The following AGPAT5 variants were observed in gnomAD, a reference collection of about 807,000 sequenced individuals.
AGPAT5 encodes 1-acyl-sn-glycerol-3-phosphate acyltransferase epsilon.
In AGPAT5, 46 loss-of-function variants were observed where a neutral mutation model predicts 45.6. The ratio of observed to expected loss-of-function variants is 1.01; its 90% CI spans 0.80 to 1.29. The LOEUF (loss-of-function observed/expected upper bound fraction) is 1.29, where lower values mean the gene tolerates loss of function less well. AGPAT5 is among the 50% of genes most tolerant of loss of function. The pLI is 0.00. For synonymous variants in AGPAT5, 272 were observed against 167.0 expected (o/e 1.63, Z -4.85); for missense variants, 673 against 450.7 (o/e 1.49, Z -4.47).
intron 1 of AGPAT5, among the ~76,000 whole-genome samples, chr8:6,721,430 C>T (rs562448666): frequency 6.6e-6 from 1 of 152,300 alleles, no homozygotes; most frequent in Non-Finnish European, 1.5e-5. Flanking sequence ...AGTTCCATTT[C>T]ATGGGATAAG....
At chr8:6,710,191 G>A (rs1360610132) in intron 1 of AGPAT5, among the ~76,000 whole-genome samples, 3 of 152,124 alleles carry the variant, frequency 2.0e-5, no homozygotes, top group Non-Finnish European at 4.4e-5. Flanking sequence ...ACAATATGAT[G>A]CAGAATACAC....
intron 1 of AGPAT5, among the ~76,000 whole-genome samples, chr8:6,715,983 C>CG (rs1800316148): frequency 6.6e-6 from 1 of 152,104 alleles, no homozygotes; most frequent in African/African-American, 2.4e-5. Flanking sequence ...CTTTTCCATT[C>CG]GTTGGTTTCA....
At chr8:6,714,525 A>G (rs1033528919) in intron 1 of AGPAT5, among the ~76,000 whole-genome samples, 1 of 152,240 alleles carries the variant, frequency 6.6e-6, no homozygotes, top group Non-Finnish European at 1.5e-5. Flanking sequence ...ATTTGTGTAT[A>G]GTTTTTTAAT....
intron 1 of AGPAT5, among the ~76,000 whole-genome samples, chr8:6,720,523 G>C (rs1380246348): frequency 6.6e-6 from 1 of 152,196 alleles, no homozygotes; most frequent in Non-Finnish European, 1.5e-5. Context: ...ATGTGGCAGA[G>C]TTAAATGACC....
chr8:6,755,131 C>T lies in AGPAT5; in HGVS notation c.826C>T (p.His276Tyr). The T allele has an allele frequency of 6.2e-7, 1 of 1,608,844 alleles. No homozygotes were observed. Among genetic ancestry groups the T allele is most frequent in the Admixed American group, 1.7e-5 (1 of 58,186 alleles). The change falls in exon 7 of 8, where the codon CAT (histidine) becomes TAT (tyrosine). Residue 276 changes from histidine to tyrosine, a missense_variant. Physicochemically the swap from His to Tyr is moderately conservative, Grantham distance 83 (BLOSUM62 2). Coordinates refer to ENST00000285518, the MANE Select transcript of AGPAT5 (RefSeq NM_018361.5). ...DKKDVPEEQE[H>Y]MRRWLHERFE... ...AAAAGATGTCCCAGAAGAACAAGAA[C>T]ATATGAGAAGATGGCTGCATGAACG...
At chr8:6,719,877 G>A (rs1800446801) in intron 1 of AGPAT5, among the ~76,000 whole-genome samples, 1 of 152,162 alleles carries the variant, frequency 6.6e-6, no homozygotes, top group Admixed American at 6.5e-5. Context: ...TGCAAAGGGG[G>A]ATATGATCAG....
chr8:6,729,835 T>C (rs1028669676), intron 2 of AGPAT5, among the ~76,000 whole-genome samples: 1 of 152,222 alleles, frequency 6.6e-6, no homozygotes, highest in Non-Finnish European at 1.5e-5. Flanking sequence ...TAATAACATA[T>C]TTATTTAACT....
At chr8:6,714,521 GTA>G (rs1219531091) in intron 1 of AGPAT5, among the ~76,000 whole-genome samples, 1 of 152,186 alleles carries the variant, frequency 6.6e-6, no homozygotes, top group Non-Finnish European at 1.5e-5. Flanking sequence ...TTGCATTTGT[GTA>G]TAGTTTTTTA....
rs547307514 is a variant in AGPAT5 at position 6,759,149 on chromosome 8, C to T, written c.*1761C>T. 5.9e-4 allele frequency: 90 copies of T among 152,270 alleles called. No individual in the cohort carries two copies. Among genetic ancestry groups the T allele is most frequent in the African/African-American group, 2.0e-3 (84 of 41,540 alleles). 9.4% of individuals were successfully genotyped at this position (152,270 alleles called of 1,614,324 possible). A position where few individuals can be genotyped will look rare whatever the true frequency, so the allele number is the denominator to read the frequency against. On this transcript the variant is annotated 3_prime_UTR_variant, in exon 8 of 8. Coordinates refer to ENST00000285518, the MANE Select transcript of AGPAT5 (RefSeq NM_018361.5). ...TCCTCATGCTGAATTGTAATTTTCT[C>T]TTACCTGTAAAGTAAAATTTAGATC...
chr8:6,755,166 C>A lies in AGPAT5; in HGVS notation c.861C>A (p.Ile287=). The change falls in exon 7 of 8, where the codon ATC becomes ATA. Residue 287 remains isoleucine, a synonymous_variant. Transcript: ENST00000285518. ...MRRWLHERFE[I]KDKMLIEFYE... is the part of the protein sequence containing the mutation. ...GATGGCTGCATGAACGTTTCGAAAT[C>A]AAAGATAAGTGAGTAACAACAGTTC... 1 of 1,597,584 alleles carries A rather than the reference C, an allele frequency of 6.3e-7. No homozygotes were observed. Among genetic ancestry groups the A allele is most frequent in the South Asian group, 1.2e-5 (1 of 86,270 alleles).
At chr8:6,753,229 C>G (rs1801716035) in intron 6 of AGPAT5, among the ~76,000 whole-genome samples, 1 of 152,200 alleles carries the variant, frequency 6.6e-6, no homozygotes. Context: ...GAGGCCCTGC[C>G]ACGTCCTGAG....
At chr8:6,709,345 AG>A (rs1388269544) in intron 1 of AGPAT5, 1 of 172,906 alleles carries the variant, frequency 5.8e-6, no homozygotes, top group African/African-American at 2.4e-5. Context: ...GACAAGTGAA[AG>A]CTGGGCGAAG....
At chr8:6,721,721 G>C (rs1409238350) in intron 1 of AGPAT5, among the ~76,000 whole-genome samples, 1 of 152,214 alleles carries the variant, frequency 6.6e-6, no homozygotes, top group African/African-American at 2.4e-5. Flanking sequence ...AGGGAGAGCA[G>C]ACTGTTCCTT....
intron 1 of AGPAT5, among the ~76,000 whole-genome samples, chr8:6,717,345 T>C (rs906411323): frequency 1.3e-5 from 2 of 152,184 alleles, no homozygotes; most frequent in Non-Finnish European, 2.9e-5. Context: ...CTCCTCCAGC[T>C]TGGCATGAGA....
intron 1 of AGPAT5, among the ~76,000 whole-genome samples, chr8:6,724,312 A>G (rs1001029101): frequency 6.6e-6 from 1 of 152,158 alleles, no homozygotes; most frequent in African/African-American, 2.4e-5. Flanking sequence ...TACTGCTTCC[A>G]TTCGTTCTTA....
chr8:6,733,732 A>T (rs1800946316), intron 4 of AGPAT5, among the ~76,000 whole-genome samples: 1 of 152,216 alleles, frequency 6.6e-6, no homozygotes, highest in African/African-American at 2.4e-5. Context: ...TTTAAAAATC[A>T]TGAATTTATA....
At chr8:6,748,968 A>G (rs1035981874) in intron 6 of AGPAT5, among the ~76,000 whole-genome samples, 1 of 152,236 alleles carries the variant, frequency 6.6e-6, no homozygotes, top group Non-Finnish European at 1.5e-5. Context: ...TTTAACTACA[A>G]CAAAACATTT....
At chr8:6,725,420 C>T (rs890193335) in intron 2 of AGPAT5, among the ~76,000 whole-genome samples, 33 of 152,182 alleles carry the variant, frequency 2.2e-4, no homozygotes, top group African/African-American at 6.5e-4. Context: ...CTAGTTGCTA[C>T]TGTTCCATCA....
intron 1 of AGPAT5, among the ~76,000 whole-genome samples, chr8:6,722,911 G>A (rs1168327671): frequency 6.6e-6 from 1 of 152,000 alleles, no homozygotes; most frequent in East Asian, 1.9e-4. Flanking sequence ...CAATCATAAT[G>A]AACTTAAAAT....
Sources: allele counts gnomAD v4.1 joint callset (sites outside exome capture counted in the v4.1 genomes callset), GRCh38; gene constraint gnomAD v4.1.1; transcripts MANE v1.5; gene names NCBI Gene and HGNC (gene_info 2026-07-23, HGNC 2026-07-21).